The following XRN2 variants were observed in gnomAD, a reference collection of about 807,000 sequenced individuals.
The protein encoded by XRN2 is DHM1-like protein.
XRN2 carries 44 observed loss-of-function variants against 138.5 expected under a neutral mutation model. The observed-to-expected ratio is 0.32, with a 90% CI of 0.25 to 0.41. XRN2 has a LOEUF of 0.41. Ranked by LOEUF, XRN2 falls within the 10% of genes least tolerant of loss-of-function variation. The probability of loss-of-function intolerance (pLI) is 1.00; values close to 1 mark genes in which losing one functional copy is unlikely to be tolerated. For synonymous variants in XRN2, 354 were observed against 369.4 expected (o/e 0.96, Z 0.48); for missense variants, 937 against 1,169.3 (o/e 0.80, Z 2.90).
At chr20:21,361,745 T>A (rs2038639220) in intron 24 of XRN2, among the ~76,000 whole-genome samples, 1 of 152,210 alleles carries the variant, frequency 6.6e-6, no homozygotes, top group African/African-American at 2.4e-5. Context: ...CCTTTTTGAG[T>A]CTTTGCCTAA....
chr20:21,329,295 A>C (rs973915328), intron 4 of XRN2, among the ~76,000 whole-genome samples: 4 of 152,194 alleles, frequency 2.6e-5, no homozygotes, highest in African/African-American at 9.7e-5. Context: ...GGAACTGACT[A>C]AGCCTCAGAG....
intron 15 of XRN2, among the ~76,000 whole-genome samples, chr20:21,341,109 C>T (rs951992710): frequency 1.3e-5 from 2 of 152,090 alleles, no homozygotes; most frequent in Admixed American, 6.6e-5. Context: ...TGGGTGACAG[C>T]GTGAGACCCT....
At chr20:21,351,071 A>G (rs2038504739) in intron 20 of XRN2, among the ~76,000 whole-genome samples, 1 of 152,192 alleles carries the variant, frequency 6.6e-6, no homozygotes, top group Admixed American at 6.5e-5. Flanking sequence ...AAATAAGTAA[A>G]TTATTAAATC....
intron 26 of XRN2, among the ~76,000 whole-genome samples, chr20:21,366,517 A>G (rs1265396766): frequency 1.3e-5 from 2 of 151,116 alleles, no homozygotes; most frequent in Admixed American, 6.6e-5. Context: ...AGATTGCGTC[A>G]CTGCACTCCA....
intron 1 of XRN2, among the ~76,000 whole-genome samples, chr20:21,319,028 C>A (rs1442933270): frequency 1.3e-5 from 2 of 152,030 alleles, no homozygotes; most frequent in African/African-American, 4.8e-5. Flanking sequence ...GTTGAATTGC[C>A]ATATGTCTTG....
chr20:21,308,363 A>G (rs1346512619), intron 1 of XRN2, among the ~76,000 whole-genome samples: 3 of 152,202 alleles, frequency 2.0e-5, no homozygotes, highest in African/African-American at 7.2e-5. Context: ...TTTGGGGGAA[A>G]AACATTAGGA....
At chr20:21,364,831 G>A (rs538010844) in intron 24 of XRN2, among the ~76,000 whole-genome samples, 1 of 150,712 alleles carries the variant, frequency 6.6e-6, no homozygotes, top group Non-Finnish European at 1.5e-5. Flanking sequence ...GCATATTTGT[G>A]TAGTTTTCAA....
intron 1 of XRN2, among the ~76,000 whole-genome samples, chr20:21,322,705 A>G (rs2038063263): frequency 6.6e-6 from 1 of 152,210 alleles, no homozygotes; most frequent in Non-Finnish European, 1.5e-5. Flanking sequence ...TACAAACATT[A>G]TTTGTATATT....
intron 24 of XRN2, among the ~76,000 whole-genome samples, chr20:21,361,360 G>A (rs1376273148): frequency 6.6e-6 from 1 of 152,160 alleles, no homozygotes; most frequent in Non-Finnish European, 1.5e-5. Flanking sequence ...ATGCTACTTG[G>A]GGGAAAGCTG....
Position 21,328,331 on chromosome 20 carries a change from C to T in XRN2, c.316-228C>T, listed in dbSNP as rs148504272. ...TGCTAGGGCTTCATAGGATGTTTGT[C>T]CATTTGACGTGGCACTCATTCACCT... On this transcript the variant is annotated intron_variant, in intron 3 of 29. Coordinates refer to ENST00000377191, the MANE Select transcript of XRN2 (RefSeq NM_012255.5). Among the ~76,000 whole-genome samples, 7 of 152,264 alleles carry T rather than the reference C, an allele frequency of 4.6e-5. No homozygotes were observed. The East Asian group carries it at 1.4e-3, about 29-fold the overall frequency.
chr20:21,326,344 G>A lies in XRN2; in HGVS notation c.141G>A (p.Glu47=). 2 of 1,613,828 alleles carry A rather than the reference G, an allele frequency of 1.2e-6. No homozygotes were observed. The highest frequency in any genetic ancestry group is 1.7e-6 in the Non-Finnish European group (2 of 1,179,840). ...DASKPNPNDV[E]FDNLYLDMNG... ...GTAAACCTAATCCAAATGATGTGGA[G>A]TTTGATAATCTGTATTTGGATATGA... is the stretch of plus-strand genomic sequence containing the variant. The change falls in exon 2 of 30, where the codon GAG becomes GAA. Residue 47 remains glutamate, a synonymous_variant. Coordinates refer to ENST00000377191, the MANE Select transcript of XRN2 (RefSeq NM_012255.5).
chr20:21,317,613 A>G (rs1031418924), intron 1 of XRN2, among the ~76,000 whole-genome samples: 2 of 152,210 alleles, frequency 1.3e-5, no homozygotes, highest in African/African-American at 4.8e-5. Flanking sequence ...TAATATTTGC[A>G]TATAATCTAT....
chr20:21,350,929 T>C (rs2038502506), intron 20 of XRN2, among the ~76,000 whole-genome samples: 1 of 152,126 alleles, frequency 6.6e-6, no homozygotes, highest in Admixed American at 6.5e-5. Context: ...GTTAAATGGA[T>C]TGGAGATTCG....
intron 19 of XRN2, 32 bp downstream of exon 19, chr20:21,348,462 C>G (rs1475508579): frequency 1.9e-6 from 3 of 1,585,730 alleles, no homozygotes. Context: ...GTGTGGGTGA[C>G]AGGATTTTTG....
intron 6 of XRN2, among the ~76,000 whole-genome samples, 162 bp from the exon 7 acceptor site, chr20:21,331,399 T>TCA (rs71806398): frequency 0.097 from 13,945 of 143,892 alleles, 654 homozygotes; most frequent in Admixed American, 0.11. Flanking sequence ...TTGGTGTTTT[T>TCA]CACACACACA....
At chr20:21,383,065 T>C (rs1256159744) in intron 28 of XRN2, among the ~76,000 whole-genome samples, 1 of 152,214 alleles carries the variant, frequency 6.6e-6, no homozygotes, top group Non-Finnish European at 1.5e-5. Flanking sequence ...TATAACTCTT[T>C]AGAGACTCCA....
intron 27 of XRN2, among the ~76,000 whole-genome samples, chr20:21,369,231 C>G (rs1360347620): frequency 1.3e-5 from 2 of 152,212 alleles, no homozygotes; most frequent in East Asian, 3.8e-4. Flanking sequence ...CACATTGTTA[C>G]AGGTGACAAG....
Position 21,365,650 on chromosome 20 carries a change from T to G in XRN2, c.2402T>G (p.Phe801Cys). 6.2e-7 allele frequency: 1 copy of G among 1,613,196 alleles called. No individual in the cohort carries two copies. The highest frequency in any genetic ancestry group is 8.5e-7 in the Non-Finnish European group (1 of 1,179,902). ...CGGCAGTGGAAGCCTCAGCTTGGCT[T>G]TAACCGTGACCGGAGGCCTGTGCAC... ...NGRQWKPQLG[F>C]NRDRRPVHLD... The change falls in exon 26 of 30, where the codon TTT becomes TGT. Residue 801 changes from phenylalanine to cysteine, a missense_variant. Transcript: ENST00000377191.
At chr20:21,314,537 A>G (rs2072706613) in intron 1 of XRN2, among the ~76,000 whole-genome samples, 1 of 152,126 alleles carries the variant, frequency 6.6e-6, no homozygotes, top group African/African-American at 2.4e-5. Context: ...CCCAGGCTGG[A>G]GTGCAATGGC....
Sources: gnomAD v4.1 joint callset for allele counts (sites outside exome capture counted in the v4.1 genomes callset) on GRCh38, gnomAD v4.1.1 for gene constraint, MANE v1.5 for transcripts, NCBI Gene and HGNC (gene_info 2026-07-23, HGNC 2026-07-21) for gene names.